The following PCSK6 variants were observed in gnomAD, a reference collection of about 807,000 sequenced individuals.
The protein encoded by PCSK6 is paired basic amino acid cleaving enzyme 4.
Under a neutral mutation model 123.3 loss-of-function variants are expected in PCSK6, and 85 were observed. The ratio of observed to expected loss-of-function variants is 0.69; its 90% CI spans 0.58 to 0.83. The LOEUF is 0.83. Among genes scored for constraint, PCSK6 ranks in the 40% least tolerant of loss-of-function variants. PCSK6 has a pLI of 0.00. For missense variants in PCSK6, 1,191 were observed against 1,282.3 expected (o/e 0.93, Z 1.09); for synonymous variants, 508 against 516.0 (o/e 0.98, Z 0.21).
intron 12 of PCSK6, among the ~76,000 whole-genome samples, chr15:101,366,680 GCTCCTTCCCACCCAGCA>G (rs1329334852): frequency 5.3e-5 from 8 of 152,120 alleles, no homozygotes; most frequent in Non-Finnish European, 1.2e-4. Flanking sequence ...AAGGTGGCTG[GCTCCTTCCCACCCAGCA>G]ACAATCTTAC....
chr15:101,476,007 C>G (rs1431891306), intron 1 of PCSK6, among the ~76,000 whole-genome samples: 1 of 152,194 alleles, frequency 6.6e-6, no homozygotes, highest in Non-Finnish European at 1.5e-5. Flanking sequence ...TGCACACATA[C>G]ATTGACTCAG....
At position 101,327,359 on chromosome 15, in the gene PCSK6, C is replaced by T. The variant is rs557436552; in HGVS notation, c.2078-880G>A. Among the ~76,000 whole-genome samples the T allele has an allele frequency of 1.2e-4, 19 of 152,272 alleles. No homozygotes were observed. The South Asian group carries it at 2.1e-3, about 17-fold the overall frequency. On this transcript the variant is annotated intron_variant, in intron 15 of 21. Coordinates refer to ENST00000611716, the MANE Select transcript of PCSK6 (RefSeq NM_002570.5). The stretch of plus-strand genomic sequence containing the variant: ...CAGTGTTAAAGGTCTACCCGTCAGG[C>T]GGGGGCGGGGCACGCTGCAGGGGTC...
intron 17 of PCSK6, 65 bp from the exon 18 acceptor site, chr15:101,322,672 A>G: frequency 2.9e-6 from 3 of 1,030,600 alleles, no homozygotes; most frequent in Non-Finnish European, 3.0e-6. Flanking sequence ...AATCTGGGCA[A>G]GCAGGCCCCC....
intron 1 of PCSK6, among the ~76,000 whole-genome samples, chr15:101,483,243 G>A (rs1211871323): frequency 3.3e-5 from 5 of 152,136 alleles, no homozygotes; most frequent in Non-Finnish European, 1.5e-5. Flanking sequence ...AACAAGTTCT[G>A]GCCCATCATT....
intron 1 of PCSK6, among the ~76,000 whole-genome samples, chr15:101,461,128 A>G (rs1443080236): frequency 1.3e-5 from 2 of 152,230 alleles, no homozygotes; most frequent in African/African-American, 4.8e-5. Context: ...ACCACTGATA[A>G]AGAAAAAAAT....
chr15:101,370,900 A>T (rs2141468989), intron 11 of PCSK6, among the ~76,000 whole-genome samples: 1 of 152,200 alleles, frequency 6.6e-6, no homozygotes, highest in Non-Finnish European at 1.5e-5. Context: ...CACAGGCCCC[A>T]TTCCTCTGGA....
intron 9 of PCSK6, among the ~76,000 whole-genome samples, chr15:101,387,196 T>C (rs769041990): frequency 2.0e-5 from 3 of 152,218 alleles, no homozygotes; most frequent in Non-Finnish European, 4.4e-5. Flanking sequence ...CTGGCCTTCC[T>C]GCGGCCCACA....
intron 13 of PCSK6, among the ~76,000 whole-genome samples, chr15:101,363,250 T>C (rs1487490644): frequency 6.6e-6 from 1 of 152,166 alleles, no homozygotes; most frequent in Non-Finnish European, 1.5e-5. Flanking sequence ...CCCTGGGACA[T>C]GGGTAGGGCT....
intron 13 of PCSK6, chr15:101,336,926 C>T (rs1224154203): frequency 6.6e-6 from 1 of 152,142 alleles, no homozygotes. Flanking sequence ...GAGACCTTTC[C>T]TTTTCTAATA....
intron 19 of PCSK6, 158 bp from the exon 20 acceptor site, chr15:101,313,663 C>A (rs750628109): frequency 2.5e-5 from 26 of 1,054,378 alleles, no homozygotes; most frequent in Non-Finnish European, 3.3e-5. Context: ...CTGGGCCGTC[C>A]TCACCCACTC....
chr15:101,463,209 C>T (rs955279764), intron 1 of PCSK6: 9 of 433,306 alleles, frequency 2.1e-5, no homozygotes, highest in Non-Finnish European at 4.2e-5. Context: ...GACTGTGGGT[C>T]GGTTTTGGAA....
rs10639429 is a variant in PCSK6 at position 101,361,956 on chromosome 15, C to CTTTTTTT, written c.1858+4233_1858+4239dup. 1.1e-4 allele frequency among the ~76,000 whole-genome samples: 12 copies of CTTTTTTT among 111,532 alleles called. No individual in the cohort carries two copies. In the East Asian group the frequency reaches 1.9e-3, roughly 17 times the overall value. 73.2% of individuals were successfully genotyped at this position (111,532 alleles called of 152,430 possible). On this transcript the variant is annotated intron_variant, in intron 13 of 21. Transcript: ENST00000611716. The stretch of plus-strand genomic sequence containing the variant: ...CCAAGCAATGGAGTGCAAGGTGAAG[C>CTTTTTTT]TTTTTTTTTTTTTTTTTTGAGTTGG...
intron 13 of PCSK6, among the ~76,000 whole-genome samples, chr15:101,352,309 G>A (rs958586593): frequency 1.8e-4 from 27 of 151,666 alleles, no homozygotes; most frequent in South Asian, 4.2e-4. Context: ...CACTGCGCCC[G>A]GCTAATTTTT....
intron 13 of PCSK6, among the ~76,000 whole-genome samples, chr15:101,345,314 C>G (rs1454558372): frequency 6.6e-6 from 1 of 152,118 alleles, no homozygotes; most frequent in Non-Finnish European, 1.5e-5. Context: ...TTGATCTTGA[C>G]TTTGTTTTGG....
intron 1 of PCSK6, among the ~76,000 whole-genome samples, chr15:101,481,317 T>C (rs2006984): frequency 0.51 from 54,646 of 108,138 alleles, 15,620 homozygotes; most frequent in East Asian, 0.77. Context: ...GAGGGGCGAA[T>C]CTGGTGACGG....
chr15:101,356,505 CA>C (rs34350017), intron 13 of PCSK6, among the ~76,000 whole-genome samples: 5,775 of 86,284 alleles, frequency 0.067, 253 homozygotes, highest in African/African-American at 0.16. Flanking sequence ...ACTAAAACTA[CA>C]AAAAAAAAAA....
At chr15:101,442,600 C>A (rs183819824) in intron 2 of PCSK6, among the ~76,000 whole-genome samples, 2 of 152,212 alleles carry the variant, frequency 1.3e-5, no homozygotes, top group African/African-American at 4.8e-5. Flanking sequence ...ACCAAGAACC[C>A]ATTTTTCCAT....
chr15:101,331,875 G>A lies in PCSK6; in HGVS notation c.2015C>T (p.Pro672Leu), dbSNP rs746570927. The A allele has an allele frequency of 1.9e-6, 3 of 1,613,010 alleles. No homozygotes were observed. The Admixed American group carries it at 5.0e-5, about 27-fold the overall frequency. The change falls in exon 14 of 22, where the codon CCT becomes CTT. Residue 672 changes from proline to leucine, a missense_variant. Coordinates refer to ENST00000611716, the MANE Select transcript of PCSK6 (RefSeq NM_002570.5). ...AALSPSQVEVPEDEEDYTAQS... is the reference protein window; with the variant it reads ...AALSPSQVEVLEDEEDYTAQS... ...ACCTGTGTAATCTTCCTCATCTTCA[G>A]GAACTTCCACCTGGGAGGGTGACAG...
At chr15:101,431,664 C>T (rs1376574683) in intron 3 of PCSK6, among the ~76,000 whole-genome samples, 1 of 152,236 alleles carries the variant, frequency 6.6e-6, no homozygotes, top group Admixed American at 6.5e-5. Context: ...TTTTCTGCAC[C>T]TGCAATCTAT....
Sources: allele counts gnomAD v4.1 joint callset (sites outside exome capture counted in the v4.1 genomes callset), GRCh38; gene constraint gnomAD v4.1.1; transcripts MANE v1.5; gene names NCBI Gene and HGNC (gene_info 2026-07-23, HGNC 2026-07-21).